EMC7: variants seen among roughly 807,000 people sequenced by gnomAD.
The protein encoded by EMC7 is endoplasmic reticulum membrane protein complex subunit 7.
In EMC7, 4 loss-of-function variants were observed where a neutral mutation model predicts 24.4. That is an observed-to-expected ratio of 0.16 (90% CI 0.08 to 0.38). EMC7 has a LOEUF of 0.38. Among genes scored for constraint, EMC7 ranks in the 10% least tolerant of loss-of-function variants. The pLI is 1.00. For synonymous variants in EMC7, 106 were observed against 112.0 expected (o/e 0.95, Z 0.34); for missense variants, 221 against 300.6 (o/e 0.74, Z 1.96).
Position 34,084,179 on chromosome 15 carries a change from T to C in EMC7, c.*155A>G. The C allele has an allele frequency of 1.1e-6, 1 of 925,092 alleles. No individual in the cohort carries two copies. The highest frequency in any genetic ancestry group is 1.6e-6 in the Non-Finnish European group (1 of 636,212). 57.3% of individuals were successfully genotyped at this position (925,092 alleles called of 1,614,324 possible). ...AAGCTGGGTTTTCTCGTGTACCAAG[T>C]ACAAAACATGTGCTAAAAAGTTAAC... On this transcript the variant is annotated 3_prime_UTR_variant, in exon 5 of 5. Transcript: ENST00000256545.
chr15:34,087,892 G>A (rs1384728074), intron 4 of EMC7, among the ~76,000 whole-genome samples, 161 bp downstream of exon 4: 1 of 151,968 alleles, frequency 6.6e-6, no homozygotes, highest in African/African-American at 2.4e-5. Context: ...ATGGTGCCTC[G>A]GACCTATAAT....
At chr15:34,098,126 G>GA (rs1901109168) in intron 1 of EMC7, among the ~76,000 whole-genome samples, 1 of 152,140 alleles carries the variant, frequency 6.6e-6, no homozygotes, top group Non-Finnish European at 1.5e-5. Flanking sequence ...CTGGAGGAAG[G>GA]AAAGAAAATG....
chr15:34,092,548 A>G (rs935844581), intron 2 of EMC7, among the ~76,000 whole-genome samples: 2 of 151,968 alleles, frequency 1.3e-5, no homozygotes, highest in South Asian at 4.2e-4. Flanking sequence ...GGGGTTCATC[A>G]TGTTGGTCAG....
chr15:34,088,711 T>TC (rs1274688159), intron 3 of EMC7, among the ~76,000 whole-genome samples: 7 of 151,964 alleles, frequency 4.6e-5, no homozygotes, highest in East Asian at 3.9e-4. Flanking sequence ...CCATCCAGTC[T>TC]CCCCCCGCCT....
rs553769836 is a variant in EMC7, at chr15:34,097,039, C to CTTTTTTTTTTTTTTTTTTTTT, written c.237-1026_237-1025insAAAAAAAAAAAAAAAAAAAAA. 3.5e-4 allele frequency among the ~76,000 whole-genome samples: 34 copies of CTTTTTTTTTTTTTTTTTTTTT among 97,614 alleles called. 1 individual carries two copies. Among genetic ancestry groups the CTTTTTTTTTTTTTTTTTTTTT allele is most frequent in the Non-Finnish European group, 5.3e-4 (28 of 52,946 alleles). 64.0% of individuals were successfully genotyped at this position (97,614 alleles called of 152,430 possible). A position where few individuals can be genotyped will look rare whatever the true frequency, so the allele number is the denominator to read the frequency against. On this transcript the variant is annotated intron_variant, in intron 1 of 4. Coordinates refer to ENST00000256545, the MANE Select transcript of EMC7 (RefSeq NM_020154.3). ...CAATTTTTGGTTTTCTGTTCTTCTT[C>CTTTTTTTTTTTTTTTTTTTTT]TTTTTTTTTTTTGAGACGGAGTCTC... is the stretch of plus-strand genomic sequence containing the variant.
intron 1 of EMC7, 137 bp downstream of exon 1, chr15:34,101,467 C>T: frequency 1.1e-6 from 1 of 889,956 alleles, no homozygotes; most frequent in Non-Finnish European, 1.7e-6. Context: ...CAAGGTCTCC[C>T]GGCATAGACC....
intron 2 of EMC7, among the ~76,000 whole-genome samples, chr15:34,091,600 C>T (rs923580633): frequency 6.6e-6 from 1 of 152,058 alleles, no homozygotes; most frequent in Non-Finnish European, 1.5e-5. Flanking sequence ...GAGACTTTTT[C>T]CCCCAAAGGC....
intron 2 of EMC7, among the ~76,000 whole-genome samples, chr15:34,093,536 T>C (rs1439791370): frequency 6.6e-6 from 1 of 151,566 alleles, no homozygotes; most frequent in African/African-American, 2.4e-5. Flanking sequence ...TTATTCAAAA[T>C]TTAACCAGAG....
chr15:34,096,215 G>C (rs1264245544), intron 1 of EMC7, among the ~76,000 whole-genome samples: 1 of 152,258 alleles, frequency 6.6e-6, no homozygotes, highest in Non-Finnish European at 1.5e-5. Flanking sequence ...GCGACGCTCA[G>C]GGTGGAGTGC....
intron 1 of EMC7, among the ~76,000 whole-genome samples, chr15:34,098,548 T>G (rs931824709): frequency 2.7e-5 from 4 of 150,098 alleles, no homozygotes; most frequent in African/African-American, 7.4e-5. Context: ...CTCCGCCTCC[T>G]GGGTTTAAGT....
Position 34,084,351 on chromosome 15 carries a change from C to T in EMC7, c.712G>A (p.Ala238Thr). 1 of 1,613,266 alleles carries T rather than the reference C, an allele frequency of 6.2e-7. No individual in the cohort carries two copies. Among genetic ancestry groups the T allele is most frequent in the Non-Finnish European group, 8.5e-7 (1 of 1,179,374 alleles). The part of the protein sequence containing the change: ...SGSSKTGKSG[A>T]GKRR ...CGGCCTGACTACCTCCTTTTGCCAG[C>T]CCCACTTTTGCCTGTTTTACTGCTG... Residue 238 changes from alanine (A) to threonine (T), a missense_variant, in exon 5 of 5, where the codon GCT (alanine) becomes ACT (threonine). Physicochemically the swap from Ala to Thr is moderately conservative, Grantham distance 58. This residue lies in a region of EMC7 where 65 missense variants were observed against 123.4 expected (regional missense o/e 0.53). Transcript: ENST00000256545.
intron 1 of EMC7, among the ~76,000 whole-genome samples, chr15:34,097,997 A>G (rs567863391): frequency 1.7e-4 from 26 of 152,154 alleles, no homozygotes; most frequent in African/African-American, 6.3e-4. Context: ...AAGATGAAAA[A>G]GTGTCACTCC....
chr15:34,086,627 C>T (rs1900893277), intron 4 of EMC7, among the ~76,000 whole-genome samples: 1 of 151,992 alleles, frequency 6.6e-6, no homozygotes, highest in African/African-American at 2.4e-5. Flanking sequence ...CGGGGTTTCA[C>T]CATGTTAGTC....
chr15:34,088,237 G>A (rs558116004), intron 3 of EMC7, 104 bp from the exon 4 acceptor site: 3 of 975,070 alleles, frequency 3.1e-6, no homozygotes, highest in South Asian at 3.2e-5. Flanking sequence ...TTTAAACGTT[G>A]TCTATACAAT....
chr15:34,093,821 A>ATTTTTT (rs1901018765), intron 2 of EMC7, among the ~76,000 whole-genome samples: 1 of 21,856 alleles, frequency 4.6e-5, no homozygotes, highest in African/African-American at 1.3e-4. Context: ...ATATATATAT[A>ATTTTTT]TATTTTTTTT....
intron 1 of EMC7, among the ~76,000 whole-genome samples, chr15:34,096,990 G>T (rs1414940586): frequency 6.0e-5 from 9 of 149,178 alleles, no homozygotes; most frequent in Admixed American, 4.7e-4. Context: ...AAAAAAAAAG[G>T]CATTTTGTTC....
chr15:34,087,000 C>T (rs548817150), intron 4 of EMC7, among the ~76,000 whole-genome samples: 1 of 152,196 alleles, frequency 6.6e-6, no homozygotes, highest in Admixed American at 6.5e-5. Context: ...TTTTTATTTA[C>T]CTTATTTCTT....
At position 34,088,073 on chromosome 15, in the gene EMC7, T is replaced by C. The variant is rs777519769; in HGVS notation, c.556A>G (p.Ser186Gly). The change falls in exon 4 of 5, where the codon AGT becomes GGT. Residue 186 changes from serine (S) to glycine (G), a missense_variant. Ser to Gly is a moderately conservative substitution (Grantham distance 56). Transcript: ENST00000256545. The part of the protein sequence containing the change: ...FVLLPKVVNT[S>G]DPDMRREMEQ... ...CTTACCCGTCTCATGTCAGGATCAC[T>C]TGTGTTGACCACTTTAGGCAGAAGC... 3.1e-6 allele frequency: 5 copies of C among 1,612,602 alleles called. No individual in the cohort carries two copies. The highest frequency in any genetic ancestry group is 4.2e-6 in the Non-Finnish European group (5 of 1,179,532).
intron 1 of EMC7, among the ~76,000 whole-genome samples, chr15:34,101,275 T>A (rs921368195): frequency 6.6e-6 from 1 of 151,904 alleles, no homozygotes. Context: ...TATAAAAGAA[T>A]CCAACAAGAG....
Sources: gnomAD v4.1 joint callset for allele counts (sites outside exome capture counted in the v4.1 genomes callset) on GRCh38, gnomAD v4.1.1 for gene constraint, gnomAD v4.1.1 regional missense constraint, MANE v1.5 for transcripts, NCBI Gene and HGNC (gene_info 2026-07-23, HGNC 2026-07-21) for gene names.